The following ZC3H12D variants were observed in gnomAD, a reference collection of about 807,000 sequenced individuals.
ZC3H12D encodes the protein probable ribonuclease ZC3H12D.
ZC3H12D carries 11 observed loss-of-function variants against 24.2 expected under a neutral mutation model. The observed-to-expected ratio is 0.46, with a 90% CI of 0.29 to 0.75. The LOEUF is 0.75. Ranked by LOEUF, ZC3H12D falls within the 30% of genes least tolerant of loss-of-function variation. The pLI, the probability that ZC3H12D is intolerant of heterozygous loss-of-function variation, is 0.11. For missense variants in ZC3H12D, 740 were observed against 767.7 expected (o/e 0.96, Z 0.43); for synonymous variants, 333 against 341.8 (o/e 0.97, Z 0.28).
chr6:149,461,994 C>T (rs1351639283), intron 2 of ZC3H12D, 24 bp from the exon 3 acceptor site: 22 of 1,601,336 alleles, frequency 1.4e-5, no homozygotes, highest in Non-Finnish European at 1.8e-5. Context: ...ACAAAGAAAT[C>T]ATAGAGACAC....
In ZC3H12D at chr6:149,448,765, C is replaced by G. The variant is rs1317317174; in HGVS notation, c.*1918G>C. The G allele has an allele frequency of 6.6e-6, 1 of 152,258 alleles. No individual in the cohort carries two copies. The highest frequency in any genetic ancestry group is 1.9e-4 in the East Asian group (1 of 5,202). The allele number at this position is 152,258 out of a possible 1,614,324, so 9.4% of individuals were successfully genotyped here. ...AAAGAAGTTTCAGAGAAAAACCTAA[C>G]ATCACTGTATGCCCCAGGGGTGTCA... On this transcript the variant is annotated 3_prime_UTR_variant, in exon 6 of 6. Coordinates refer to ENST00000409806, the MANE Select transcript of ZC3H12D (RefSeq NM_207360.3).
intron 2 of ZC3H12D, among the ~76,000 whole-genome samples, chr6:149,464,450 C>T (rs772281225): frequency 1.3e-5 from 2 of 152,126 alleles, no homozygotes; most frequent in African/African-American, 2.4e-5. Context: ...CATCCTCTTC[C>T]GCCTTCAGAT....
intron 5 of ZC3H12D, among the ~76,000 whole-genome samples, chr6:149,451,877 G>GGGT (rs1320949742): frequency 6.6e-6 from 1 of 152,242 alleles, no homozygotes; most frequent in Non-Finnish European, 1.5e-5. Context: ...GGTAGGGAGT[G>GGGT]GGTGCTCGGG....
At chr6:149,463,236 A>G (rs1473237074) in intron 2 of ZC3H12D, among the ~76,000 whole-genome samples, 1 of 152,212 alleles carries the variant, frequency 6.6e-6, no homozygotes, top group African/African-American at 2.4e-5. Context: ...AAGGAGGGCA[A>G]TGCCCTTCAA....
Position 149,452,120 on chromosome 6 carries a change from A to C in ZC3H12D, c.787+496T>G, listed in dbSNP as rs1775907826. The C allele has an allele frequency of 6.5e-6, 1 of 154,736 alleles. No individual in the cohort carries two copies. 9.6% of individuals were successfully genotyped at this position (154,736 alleles called of 1,614,324 possible). ...ATGATTGACTGTCACCCAAGTCTTT[A>C]CTGAACTTGGAAACATCAAATAACT... On this transcript the variant is annotated intron_variant, in intron 5 of 5. Coordinates refer to ENST00000409806, the MANE Select transcript of ZC3H12D (RefSeq NM_207360.3). The surrounding 1 kb of genome is among the most constrained non-coding windows in gnomAD (Gnocchi z 4.0).
chr6:149,473,986 A>G (rs1411531234), intron 2 of ZC3H12D, among the ~76,000 whole-genome samples: 2 of 152,190 alleles, frequency 1.3e-5, no homozygotes, highest in Non-Finnish European at 2.9e-5. Flanking sequence ...GTCAGGCACT[A>G]TCCTAGGCAT....
intron 5 of ZC3H12D, among the ~76,000 whole-genome samples, chr6:149,451,780 G>A (rs1775901374): frequency 6.6e-6 from 1 of 152,218 alleles, no homozygotes; most frequent in Admixed American, 6.5e-5. Flanking sequence ...TTTGACCAGG[G>A]ACTAAGACCA....
In ZC3H12D at chr6:149,448,593, C is replaced by T. The variant is rs1444462811; in HGVS notation, c.*2090G>A. The T allele has an allele frequency of 2.0e-5, 3 of 152,080 alleles. No homozygotes were observed. Among genetic ancestry groups the T allele is most frequent in the Admixed American group, 2.0e-4 (3 of 15,272 alleles). 9.4% of individuals were successfully genotyped at this position (152,080 alleles called of 1,614,324 possible). ...AACCCACACATATTATGAGGAAAAT[C>T]CAACTTATTTACAAAGAATGGGTCA... On this transcript the variant is annotated 3_prime_UTR_variant, in exon 6 of 6. Transcript: ENST00000409806.
Position 149,447,498 on chromosome 6 carries a change from C to A in ZC3H12D, c.*3185G>T, listed in dbSNP as rs1775804891. 6.6e-6 allele frequency: 1 copy of A among 152,196 alleles called. No homozygotes were observed. Among genetic ancestry groups the A allele is most frequent in the Non-Finnish European group, 1.5e-5 (1 of 68,066 alleles). The allele number at this position is 152,196 out of a possible 1,614,324, so 9.4% of individuals were successfully genotyped here. ...CGAACTCCTGAACTCATGAAGCCCA[C>A]CAAAGTGCTGGGATTACAGACATGA... On this transcript the variant is annotated 3_prime_UTR_variant, in exon 6 of 6. Transcript: ENST00000409806.
At position 149,456,622 on chromosome 6, in the gene ZC3H12D, C is replaced by CCCCCCCCCCCCCCCCCCGGGGGGGGG; in HGVS notation, c.680+43_680+44insCCCCCCCCCGGGGGGGGGGGGGGGGG. The CCCCCCCCCCCCCCCCCCGGGGGGGGG allele has an allele frequency of 3.8e-6, 5 of 1,314,334 alleles. No homozygotes were observed. Among genetic ancestry groups the CCCCCCCCCCCCCCCCCCGGGGGGGGG allele is most frequent in the East Asian group, 2.4e-5 (1 of 42,322 alleles). 81.4% of individuals were successfully genotyped at this position (1,314,334 alleles called of 1,614,324 possible). A position where few individuals can be genotyped will look rare whatever the true frequency, so the allele number is the denominator to read the frequency against. Reference sequence around the variant, plus strand: ...GGCCACTGCCTCGACCCCGGCCCCCCGCCCCGCCGCCCCCCAGGGTGTCAG... The same window carrying CCCCCCCCCCCCCCCCCCGGGGGGGGG: ...GGCCACTGCCTCGACCCCGGCCCCCCCCCCCCCCCCCCCCCCCGGGGGGGGGGCCCCGCCGCCCCCCAGGGTGTCAG... On this transcript the variant is annotated intron_variant, in intron 4 of 5. Transcript: ENST00000409806. This position sits in a 1 kb window ranked among gnomAD's most constrained non-coding sequence, Gnocchi z 4.3.
Position 149,451,211 on chromosome 6 carries a change from G to C in ZC3H12D, c.1056C>G (p.Ser352Arg), listed in dbSNP as rs1219907201. Residue 352 changes from serine to arginine, a missense_variant, in exon 6 of 6, where the codon AGC becomes AGG. Transcript: ENST00000409806. ...GCGGCCCCAGGGGCCCCAGGTCGTCGCTGAAGGCCAGCCGAGAGAAGCTCC... is the reference window on the plus strand; with the variant it reads ...GCGGCCCCAGGGGCCCCAGGTCGTCCCTGAAGGCCAGCCGAGAGAAGCTCC... ...LRGSFSRLAF[S>R]DDLGPLGPPL... 7.6e-7 allele frequency: 1 copy of C among 1,307,306 alleles called. No homozygotes were observed. Among genetic ancestry groups the C allele is most frequent in the African/African-American group, 1.5e-5 (1 of 64,604 alleles). The allele number at this position is 1,307,306 out of a possible 1,614,324, so 81.0% of individuals were successfully genotyped here. A position where few individuals can be genotyped will look rare whatever the true frequency, so the allele number is the denominator to read the frequency against.
chr6:149,456,622 C>CCCCCCCCCCCCCCCCCCGGGTGACA lies in ZC3H12D; in HGVS notation c.680+43_680+44insTGTCACCCGGGGGGGGGGGGGGGGG. The CCCCCCCCCCCCCCCCCCGGGTGACA allele has an allele frequency of 7.6e-7, 1 of 1,314,360 alleles. No individual in the cohort carries two copies. Among genetic ancestry groups the CCCCCCCCCCCCCCCCCCGGGTGACA allele is most frequent in the Non-Finnish European group, 1.1e-6 (1 of 921,308 alleles). 81.4% of individuals were successfully genotyped at this position (1,314,360 alleles called of 1,614,324 possible). A position where few individuals can be genotyped will look rare whatever the true frequency, so the allele number is the denominator to read the frequency against. On this transcript the variant is annotated intron_variant, in intron 4 of 5. Transcript: ENST00000409806. The surrounding 1 kb of genome is among the most constrained non-coding windows in gnomAD (Gnocchi z 4.3). ...GGCCACTGCCTCGACCCCGGCCCCC[C>CCCCCCCCCCCCCCCCCCGGGTGACA]GCCCCGCCGCCCCCCAGGGTGTCAG...
intron 1 of ZC3H12D, among the ~76,000 whole-genome samples, chr6:149,477,488 A>T (rs1776359868): frequency 6.6e-6 from 1 of 152,172 alleles, no homozygotes; most frequent in African/African-American, 2.4e-5. Flanking sequence ...CCACTCCTTG[A>T]CTTGTTATTT....
intron 1 of ZC3H12D, among the ~76,000 whole-genome samples, chr6:149,482,006 G>A (rs951889158): frequency 7.2e-5 from 11 of 152,230 alleles, no homozygotes; most frequent in African/African-American, 1.2e-4. Context: ...GGGGGCTTTC[G>A]CCTGGAGGGG....
intron 1 of ZC3H12D, among the ~76,000 whole-genome samples, chr6:149,480,250 G>A (rs533109530): frequency 5.9e-5 from 9 of 152,318 alleles, no homozygotes; most frequent in East Asian, 1.9e-4. Flanking sequence ...AGATAAGCAC[G>A]TACTTTCAAT....
At chr6:149,477,969 C>T (rs937719342) in intron 1 of ZC3H12D, among the ~76,000 whole-genome samples, 5 of 151,848 alleles carry the variant, frequency 3.3e-5, no homozygotes, top group African/African-American at 1.2e-4. Context: ...GAGTTCGAGA[C>T]CAGCCTGGCC....
At position 149,456,616 on chromosome 6, in the gene ZC3H12D, G is replaced by GGGGGCCGGCCC; in HGVS notation, c.680+49_680+50insGGGCCGGCCCC. 8.8e-7 allele frequency: 1 copy of GGGGGCCGGCCC among 1,130,410 alleles called. No homozygotes were observed. The highest frequency in any genetic ancestry group is 1.3e-6 in the Non-Finnish European group (1 of 763,264). 70.0% of individuals were successfully genotyped at this position (1,130,410 alleles called of 1,614,324 possible). On this transcript the variant is annotated intron_variant, in intron 4 of 5. Coordinates refer to ENST00000409806, the MANE Select transcript of ZC3H12D (RefSeq NM_207360.3). This position sits in a 1 kb window ranked among gnomAD's most constrained non-coding sequence, Gnocchi z 4.3. ...AGGCGTGGCCACTGCCTCGACCCCG[G>GGGGGCCGGCCC]CCCCCCGCCCCGCCGCCCCCCAGGG...
intron 2 of ZC3H12D, among the ~76,000 whole-genome samples, chr6:149,465,424 G>A (rs1299160329): frequency 6.6e-6 from 1 of 151,676 alleles, no homozygotes; most frequent in East Asian, 1.9e-4. Flanking sequence ...GGCTTGTACA[G>A]TGAGGAGAAA....
intron 3 of ZC3H12D, chr6:149,459,649 T>G (rs970225200): frequency 5.6e-6 from 4 of 718,022 alleles, no homozygotes; most frequent in Non-Finnish European, 7.8e-6. Flanking sequence ...CCCAGGAGAA[T>G]GGACCTCCAC....
Sources: allele counts gnomAD v4.1 joint callset (sites outside exome capture counted in the v4.1 genomes callset), GRCh38; gene constraint gnomAD v4.1.1; non-coding constraint Gnocchi (gnomAD v3.1); transcripts MANE v1.5; gene names NCBI Gene and HGNC (gene_info 2026-07-23, HGNC 2026-07-21).